ZBTB20: variants seen among roughly 807,000 people sequenced by gnomAD.
ZBTB20 encodes the protein zinc finger and BTB domain-containing protein 20.
ZBTB20 carries 9 observed loss-of-function variants against 56.9 expected under a neutral mutation model. The ratio of observed to expected loss-of-function variants is 0.16; its 90% CI spans 0.10 to 0.28. The LOEUF is 0.28. ZBTB20 is among the 10% of genes least tolerant of loss of function. The probability of loss-of-function intolerance (pLI) is 1.00; values close to 1 mark genes in which losing one functional copy is unlikely to be tolerated. For missense variants in ZBTB20, 655 were observed against 1,003.0 expected (o/e 0.65, Z 4.69); for synonymous variants, 417 against 420.7 (o/e 0.99, Z 0.11).
At chr3:114,479,374 C>T (rs2041262788) in intron 7 of ZBTB20, among the ~76,000 whole-genome samples, 1 of 152,308 alleles carries the variant, frequency 6.6e-6, no homozygotes, top group East Asian at 1.9e-4. Flanking sequence ...ACTACTCACA[C>T]TAATATACTC....
At position 114,454,175 on chromosome 3, in the gene ZBTB20, G is replaced by GGAGAGAGAGAGAGAGA. The variant is rs71146322; in HGVS notation, c.-255+46161_-255+46176dup. 7.0e-3 allele frequency among the ~76,000 whole-genome samples: 812 copies of GGAGAGAGAGAGAGAGA among 116,638 alleles called. 12 individuals are homozygous for GGAGAGAGAGAGAGAGA. The highest frequency in any genetic ancestry group is 0.013 in the African/African-American group (330 of 25,102). 76.5% of individuals were successfully genotyped at this position (116,638 alleles called of 152,430 possible). On this transcript the variant is annotated intron_variant, in intron 7 of 11. Coordinates refer to ENST00000675478, the MANE Select transcript of ZBTB20 (RefSeq NM_001348800.3). ...AGAGGAAGAGAGAGGAAAAGAGAAG[G>GGAGAGAGAGAGAGAGA]GAGAGAGAGAGAGAGAGAGAGAGAG... is the stretch of plus-strand genomic sequence containing the variant.
intron 3 of ZBTB20, among the ~76,000 whole-genome samples, chr3:114,947,894 A>T (rs1475333519): frequency 6.8e-6 from 1 of 146,038 alleles, no homozygotes; most frequent in Non-Finnish European, 1.5e-5. Flanking sequence ...TGAAAAAAAA[A>T]TAGCACCAAT....
At chr3:114,490,823 A>G (rs2042667116) in intron 7 of ZBTB20, among the ~76,000 whole-genome samples, 1 of 152,242 alleles carries the variant, frequency 6.6e-6, no homozygotes, top group South Asian at 2.1e-4. Flanking sequence ...ATTTTTTGAG[A>G]AAGTAAATAA....
intron 1 of ZBTB20, among the ~76,000 whole-genome samples, chr3:115,119,708 A>C (rs139497254): frequency 1.3e-5 from 2 of 152,320 alleles, no homozygotes; most frequent in Non-Finnish European, 2.9e-5. Flanking sequence ...TTTATTTGAA[A>C]GTTCTAAATT....
At chr3:115,132,190 C>A (rs1271009485) in intron 1 of ZBTB20, among the ~76,000 whole-genome samples, 1 of 152,086 alleles carries the variant, frequency 6.6e-6, no homozygotes, top group Non-Finnish European at 1.5e-5. Flanking sequence ...TTAATCAGAT[C>A]CTGTTTTATG....
chr3:114,434,671 GTTTC>G (rs1016128978), intron 7 of ZBTB20, among the ~76,000 whole-genome samples: 8 of 151,758 alleles, frequency 5.3e-5, no homozygotes, highest in African/African-American at 1.9e-4. Flanking sequence ...AAAAAATACG[GTTTC>G]TTTGATTCAA....
chr3:114,698,090 A>T (rs2063158275), intron 5 of ZBTB20, among the ~76,000 whole-genome samples: 1 of 152,106 alleles, frequency 6.6e-6, no homozygotes, highest in South Asian at 2.1e-4. Flanking sequence ...TGTATCTGTG[A>T]TCACCATGGA....
rs1453399119 is a variant in ZBTB20 at position 114,338,035 on chromosome 3, G to GT, written c.*969dup. On this transcript the variant is annotated 3_prime_UTR_variant, in exon 12 of 12. Transcript: ENST00000675478. ...AAAAAAGCCTCAAGAACTTTTTATTGTTCCCCCCACCCTCCATTTCTTTTT... is the reference window on the plus strand; with the variant it reads ...AAAAAAGCCTCAAGAACTTTTTATTGTTTCCCCCCACCCTCCATTTCTTTTT... The GT allele has an allele frequency of 6.8e-6, 1 of 147,594 alleles. No homozygotes were observed. Among genetic ancestry groups the GT allele is most frequent in the Non-Finnish European group, 1.5e-5 (1 of 67,078 alleles). 9.1% of individuals were successfully genotyped at this position (147,594 alleles called of 1,614,324 possible). A position where few individuals can be genotyped will look rare whatever the true frequency, so the allele number is the denominator to read the frequency against.
chr3:114,400,450 G>T (rs1336260490), intron 7 of ZBTB20, among the ~76,000 whole-genome samples: 1 of 152,106 alleles, frequency 6.6e-6, no homozygotes, highest in Non-Finnish European at 1.5e-5. Flanking sequence ...AATGTGTGTG[G>T]GAACTGACAG....
intron 1 of ZBTB20, among the ~76,000 whole-genome samples, chr3:115,129,445 T>C (rs938604200): frequency 6.6e-6 from 1 of 152,204 alleles, no homozygotes; most frequent in East Asian, 1.9e-4. Flanking sequence ...ACTTTTATAG[T>C]GGTGTTATCA....
chr3:114,594,948 A>G (rs188818403), intron 6 of ZBTB20, among the ~76,000 whole-genome samples: 2 of 152,366 alleles, frequency 1.3e-5, no homozygotes, highest in East Asian at 1.9e-4. Context: ...AGTCTAATGT[A>G]TAAGAATTAG....
rs2076974093 is a variant in ZBTB20 at position 114,948,901 on chromosome 3, C to A, written c.-456+25465G>T. ...AATACCATCTCAATCAAAATCCCAG[C>A]AAATTACATATTGTAGAGATTAACA... On this transcript the variant is annotated intron_variant, in intron 3 of 11. Coordinates refer to ENST00000675478, the MANE Select transcript of ZBTB20 (RefSeq NM_001348800.3). Among the ~76,000 whole-genome samples, 2 of 145,850 alleles carry A rather than the reference C, an allele frequency of 1.4e-5. 1 individual carries two copies. Among genetic ancestry groups the A allele is most frequent in the African/African-American group, 5.6e-5 (2 of 35,724 alleles).
intron 1 of ZBTB20, among the ~76,000 whole-genome samples, chr3:115,083,531 C>G (rs2082871228): frequency 6.6e-6 from 1 of 151,840 alleles, no homozygotes; most frequent in Non-Finnish European, 1.5e-5. Flanking sequence ...AAAACTTAAA[C>G]CTAAGAGTAT....
rs1013568245 is a variant in ZBTB20 at position 114,320,700 on chromosome 3, A to C, written c.*18305T>G. The C allele has an allele frequency of 6.6e-6, 1 of 152,154 alleles. No individual in the cohort carries two copies. The highest frequency in any genetic ancestry group is 2.4e-5 in the African/African-American group (1 of 41,448). 9.4% of individuals were successfully genotyped at this position (152,154 alleles called of 1,614,324 possible). On this transcript the variant is annotated 3_prime_UTR_variant, in exon 12 of 12. Transcript: ENST00000675478. ...TATTTTTGGTCTACAGTAGAATTAC[A>C]TATTAATAATATAATAAAAAGATAT...
intron 7 of ZBTB20, among the ~76,000 whole-genome samples, chr3:114,403,898 A>C (rs1337358960): frequency 6.6e-6 from 1 of 152,052 alleles, no homozygotes; most frequent in Non-Finnish European, 1.5e-5. Context: ...CAAGTCATGA[A>C]ACTTCTCTCG....
chr3:114,705,374 TC>T (rs1005974371), intron 5 of ZBTB20, among the ~76,000 whole-genome samples: 2 of 151,800 alleles, frequency 1.3e-5, no homozygotes. Flanking sequence ...TATGCAAAAT[TC>T]CCCCCCAAAA....
intron 6 of ZBTB20, among the ~76,000 whole-genome samples, chr3:114,531,238 A>G (rs1165069272): frequency 6.6e-6 from 1 of 152,196 alleles, no homozygotes; most frequent in East Asian, 1.9e-4. Flanking sequence ...GATGACATCA[A>G]TTTAGAAACA....
chr3:114,865,846 G>A (rs1285169855), intron 4 of ZBTB20, among the ~76,000 whole-genome samples: 1 of 152,046 alleles, frequency 6.6e-6, no homozygotes, highest in African/African-American at 2.4e-5. Flanking sequence ...TGTGACTCCG[G>A]GAAAGATACT....
intron 6 of ZBTB20, among the ~76,000 whole-genome samples, chr3:114,690,127 T>C (rs199867235): frequency 6.6e-6 from 1 of 152,188 alleles, no homozygotes; most frequent in Non-Finnish European, 1.5e-5. Flanking sequence ...CTCTTTTTTT[T>C]CCATGTGCTT....
Sources: gnomAD v4.1 joint callset for allele counts (sites outside exome capture counted in the v4.1 genomes callset) on GRCh38, gnomAD v4.1.1 for gene constraint, MANE v1.5 for transcripts, NCBI Gene and HGNC (gene_info 2026-07-23, HGNC 2026-07-21) for gene names.